SLC28A3: variants seen among roughly 807,000 people sequenced by gnomAD.
SLC28A3 encodes the protein solute carrier family 28 member 3, also known as concentrative Na(+)-nucleoside cotransporter 3.
SLC28A3 carries 68 observed loss-of-function variants against 84.2 expected under a neutral mutation model. The ratio of observed to expected loss-of-function variants is 0.81; its 90% CI spans 0.66 to 0.99. The LOEUF (loss-of-function observed/expected upper bound fraction) is 0.99. SLC28A3 is among the 50% of genes least tolerant of loss of function. The pLI, the probability that SLC28A3 is intolerant of heterozygous loss-of-function variation, is 0.00. For missense variants in SLC28A3, 712 were observed against 841.5 expected, an observed-to-expected ratio of 0.85 and a Z score of 1.90; for synonymous variants, 267 against 303.6, an observed-to-expected ratio of 0.88 and a Z score of 1.25.
At chr9:84,326,528 G>C (rs13283683) in intron 1 of SLC28A3, among the ~76,000 whole-genome samples, 22,276 of 152,006 alleles carry the variant, frequency 0.15, 1,742 homozygotes, top group South Asian at 0.23. Flanking sequence ...ATGTTGCCTT[G>C]TGAGCCAATT....
chr9:84,280,910 T>C (rs1018440247), intron 14 of SLC28A3, 28 bp from the exon 15 acceptor site: 4 of 1,607,548 alleles, frequency 2.5e-6, no homozygotes, highest in Non-Finnish European at 3.4e-6. Flanking sequence ...CACATATGTA[T>C]ACACAATCTG....
At chr9:84,351,811 A>G in the SLC28A3 span, among the ~76,000 whole-genome samples, 1 of 152,042 alleles carries the variant, frequency 6.6e-6, no homozygotes. Flanking sequence ...GAATGTCCTT[A>G]GGAAATACAC....
chr9:84,320,052 T>TTTTG (rs1564170443), intron 1 of SLC28A3, among the ~76,000 whole-genome samples: 39 of 131,096 alleles, frequency 3.0e-4, no homozygotes, highest in Non-Finnish European at 5.1e-4. Flanking sequence ...TTTTTTTTTT[T>TTTTG]TTTTTTTTTT....
intron 3 of SLC28A3, among the ~76,000 whole-genome samples, chr9:84,305,791 G>A (rs1825770401): frequency 6.6e-6 from 1 of 152,170 alleles, no homozygotes; most frequent in Admixed American, 6.5e-5. Context: ...TGAGCAAGTT[G>A]GTGGTGCTCT....
At chr9:84,361,579 A>C in the SLC28A3 span, among the ~76,000 whole-genome samples, 4 of 152,068 alleles carry the variant, frequency 2.6e-5, no homozygotes, top group Non-Finnish European at 5.9e-5. Flanking sequence ...GGGATGACAG[A>C]TTCAGGCCCA....
chr9:84,347,793 G>T, the SLC28A3 span, among the ~76,000 whole-genome samples: 5 of 152,338 alleles, frequency 3.3e-5, no homozygotes, highest in East Asian at 5.8e-4. Flanking sequence ...CTTAGTCTCT[G>T]CTCTTTCCTG....
chr9:84,351,969 G>A, the SLC28A3 span, among the ~76,000 whole-genome samples: 1 of 151,658 alleles, frequency 6.6e-6, no homozygotes, highest in Admixed American at 6.6e-5. Context: ...AAACTGTAAT[G>A]AGAGTTTTTT....
chr9:84,325,188 T>C (rs777581497), intron 1 of SLC28A3, among the ~76,000 whole-genome samples: 21 of 152,166 alleles, frequency 1.4e-4, no homozygotes, highest in Non-Finnish European at 2.6e-4. Flanking sequence ...CTCATGCCTC[T>C]CCTACCTTTT....
intron 1 of SLC28A3, among the ~76,000 whole-genome samples, chr9:84,316,587 C>G (rs1045415425): frequency 6.6e-6 from 1 of 152,230 alleles, no homozygotes; most frequent in Non-Finnish European, 1.5e-5. Context: ...AGGAGGCTCA[C>G]CCCGGCTCTG....
Position 84,297,226 on chromosome 9 carries a change from A to G in SLC28A3, c.856T>C (p.Phe286Leu), listed in dbSNP as rs1005085205. The G allele has an allele frequency of 6.2e-7, 1 of 1,612,722 alleles. No individual in the cohort carries two copies. The highest frequency in any genetic ancestry group is 1.3e-5 in the African/African-American group (1 of 74,970). Residue 286 changes from phenylalanine to leucine, a missense_variant, in exon 8 of 18, where the codon TTT becomes CTT. Physicochemically the swap from Phe to Leu is conservative, Grantham distance 22. Transcript: ENST00000376238. ...GEKYKDHFFA[F>L]KVLPIVVFFS... ...GAAAAAAGGTTTGACTTTACCTTAA[A>G]TGCAAAGAAGTGGTCTTTGTATTTC...
the SLC28A3 span, among the ~76,000 whole-genome samples, chr9:84,366,768 T>G: frequency 6.6e-6 from 1 of 152,182 alleles, no homozygotes; most frequent in Admixed American, 6.5e-5. Flanking sequence ...CTGAGCCACC[T>G]AAAGCTGGGG....
rs76487119 is a variant in SLC28A3, at chr9:84,292,530, T to G, written c.1023+138A>C. On this transcript the variant is annotated intron_variant, in intron 10 of 17. Coordinates refer to ENST00000376238, the MANE Select transcript of SLC28A3 (RefSeq NM_001199633.2). ...CTCTTCTCCCCCTGGAATCCGGACA[T>G]TGCCAATACTGGGGGTTTCTTATTT... 8.4e-3 allele frequency: 4,958 copies of G among 593,662 alleles called. 135 individuals carry two copies. The highest frequency in any genetic ancestry group is 0.053 in the African/African-American group (2,739 of 51,924). The allele number at this position is 593,662 out of a possible 1,614,324, so 36.8% of individuals were successfully genotyped here.
At chr9:84,291,188 C>A (rs914817504) in intron 10 of SLC28A3, among the ~76,000 whole-genome samples, 6 of 152,160 alleles carry the variant, frequency 3.9e-5, no homozygotes, top group African/African-American at 7.2e-5. Context: ...AGCCCTCTTA[C>A]CCCACAGGTA....
At chr9:84,314,632 G>T (rs1326121727) in intron 1 of SLC28A3, among the ~76,000 whole-genome samples, 1 of 152,190 alleles carries the variant, frequency 6.6e-6, no homozygotes, top group Non-Finnish European at 1.5e-5. Context: ...ATGCATCAAA[G>T]TATTGTGCCA....
At chr9:84,360,238 T>C in the SLC28A3 span, among the ~76,000 whole-genome samples, 4 of 151,850 alleles carry the variant, frequency 2.6e-5, no homozygotes, top group Admixed American at 6.6e-5. Context: ...AGGGCCCAGA[T>C]TGGAAGTTGG....
chr9:84,298,461 TGGGCAACA>T (rs1334472816), intron 6 of SLC28A3, among the ~76,000 whole-genome samples: 1 of 152,114 alleles, frequency 6.6e-6, no homozygotes, highest in African/African-American at 2.4e-5. Context: ...CACTCCAGCC[TGGGCAACA>T]GAGCGAGACT....
At position 84,300,466 on chromosome 9, in the gene SLC28A3, G is replaced by A. The variant is rs777412496; in HGVS notation, c.525-741C>T. ...CCAGCGGCCGAGAGGGAGATCAGACGTTAGGGCAAGTTCTGGCTCCTCTGG... is the reference window on the plus strand; with the variant it reads ...CCAGCGGCCGAGAGGGAGATCAGACATTAGGGCAAGTTCTGGCTCCTCTGG... On this transcript the variant is annotated intron_variant, in intron 5 of 17. Coordinates refer to ENST00000376238, the MANE Select transcript of SLC28A3 (RefSeq NM_001199633.2). 6.6e-5 allele frequency among the ~76,000 whole-genome samples: 10 copies of A among 152,214 alleles called. No homozygotes were observed. In the East Asian group the frequency reaches 7.7e-4, roughly 12 times the overall value.
At chr9:84,336,201 C>CA (rs1228612770) in intron 1 of SLC28A3, among the ~76,000 whole-genome samples, 3 of 152,046 alleles carry the variant, frequency 2.0e-5, no homozygotes, top group East Asian at 1.9e-4. Context: ...CCGATTTCTA[C>CA]AAAAAAATAC....
rs1295816549 is a variant in SLC28A3, at chr9:84,276,324, T to TAATC, written c.*1893_*1894insGATT. ...TGTATTGAGTTAAATATATTAAAAT[T>TAATC]AATTTTACTTGTTTTTTAGCGTGGC... is the stretch of plus-strand genomic sequence containing the variant. On this transcript the variant is annotated 3_prime_UTR_variant, in exon 18 of 18. Transcript: ENST00000376238. 1 of 151,474 alleles carries TAATC rather than the reference T, an allele frequency of 6.6e-6. No individual in the cohort carries two copies. The highest frequency in any genetic ancestry group is 1.5e-5 in the Non-Finnish European group (1 of 67,934). The allele number at this position is 151,474 out of a possible 1,614,324, so 9.4% of individuals were successfully genotyped here.
Sources: gnomAD v4.1 joint callset for allele counts (sites outside exome capture counted in the v4.1 genomes callset) on GRCh38, gnomAD v4.1.1 for gene constraint, MANE v1.5 for transcripts, NCBI Gene and HGNC (gene_info 2026-07-23, HGNC 2026-07-21) for gene names.